CALB2: variants seen among roughly 807,000 people sequenced by gnomAD.
CALB2 encodes calretinin.
In CALB2, 34 loss-of-function variants were observed where a neutral mutation model predicts 45.9. That is an observed-to-expected ratio of 0.74 (90% confidence interval 0.56 to 0.99). The LOEUF is 0.99. Among genes scored for constraint, CALB2 ranks in the 50% least tolerant of loss-of-function variants. The pLI is 0.00. For missense variants in CALB2, 344 were observed against 339.3 expected (o/e 1.01, Z -0.11); for synonymous variants, 142 against 129.6 (o/e 1.10, Z -0.65).
chr16:71,372,640 G>A (rs4788543), intron 2 of CALB2, among the ~76,000 whole-genome samples: 19,408 of 152,116 alleles, frequency 0.13, 1,319 homozygotes, highest in South Asian at 0.17. Context: ...CAGCCTCAGC[G>A]CTGTTGGCAT....
intron 1 of CALB2, 58 bp from the exon 2 acceptor site, chr16:71,372,095 C>T: frequency 4.9e-6 from 6 of 1,220,046 alleles, no homozygotes; most frequent in Non-Finnish European, 7.2e-6. Flanking sequence ...GACATGCCCA[C>T]CCCGTGCCCC....
chr16:71,382,016 A>AGGAGGAGGAG (rs2042497575), intron 4 of CALB2, among the ~76,000 whole-genome samples: 1 of 86,516 alleles, frequency 1.2e-5, no homozygotes, highest in South Asian at 5.2e-4. Flanking sequence ...CTGTCTCAAA[A>AGGAGGAGGAG]GAGGAGGAGG....
At chr16:71,374,927 T>C in intron 3 of CALB2, 93 bp downstream of exon 3, 1 of 853,280 alleles carries the variant, frequency 1.2e-6, no homozygotes, top group Admixed American at 2.1e-5. Context: ...AGGATTGGAG[T>C]GAGGTGGGGG....
chr16:71,377,803 T>A, intron 4 of CALB2, 56 bp downstream of exon 4: 1 of 1,321,140 alleles, frequency 7.6e-7, no homozygotes, highest in South Asian at 1.2e-5. Context: ...TCCTCCTGTG[T>A]TCAGAGCCAG....
At position 71,390,190 on chromosome 16, in the gene CALB2, G is replaced by C. The variant is rs1014196344; in HGVS notation, c.*325G>C. 1.7e-5 allele frequency: 4 copies of C among 236,672 alleles called. No individual in the cohort carries two copies. The East Asian group carries it at 2.5e-4, about 15-fold the overall frequency. The allele number at this position is 236,672 out of a possible 1,614,324, so 14.7% of individuals were successfully genotyped here. On this transcript the variant is annotated 3_prime_UTR_variant, in exon 11 of 11. Transcript: ENST00000302628. ...ATGATTTAGGCTTCTATGTCCAACA[G>C]AGTGGACTCTTCCCTCTCGCTCCCC...
intron 1 of CALB2, among the ~76,000 whole-genome samples, chr16:71,364,030 C>T (rs1443244352): frequency 6.6e-6 from 1 of 152,130 alleles, no homozygotes; most frequent in African/African-American, 2.4e-5. Flanking sequence ...GTCCCCCACC[C>T]CTGCCTCTGC....
At position 71,390,174 on chromosome 16, in the gene CALB2, G is replaced by A; in HGVS notation, c.*309G>A. On this transcript the variant is annotated 3_prime_UTR_variant, in exon 11 of 11. Coordinates refer to ENST00000302628, the MANE Select transcript of CALB2 (RefSeq NM_001740.5). ...TGAGCTCCCTCGCTGTATGATTTAG[G>A]CTTCTATGTCCAACAGAGTGGACTC... 3.4e-6 allele frequency: 1 copy of A among 291,116 alleles called. No homozygotes were observed. The highest frequency in any genetic ancestry group is 6.6e-6 in the Non-Finnish European group (1 of 152,366). The allele number at this position is 291,116 out of a possible 1,614,324, so 18.0% of individuals were successfully genotyped here. A position where few individuals can be genotyped will look rare whatever the true frequency, so the allele number is the denominator to read the frequency against.
At chr16:71,381,326 C>A (rs539894580) in intron 4 of CALB2, among the ~76,000 whole-genome samples, 286 of 151,742 alleles carry the variant, frequency 1.9e-3, no homozygotes, top group Non-Finnish European at 3.5e-3. Context: ...AGAGAAAAGA[C>A]ACTCTTGTAA....
At chr16:71,381,867 T>G (rs1157978634) in intron 4 of CALB2, among the ~76,000 whole-genome samples, 2 of 151,562 alleles carry the variant, frequency 1.3e-5, no homozygotes, top group East Asian at 1.9e-4. Flanking sequence ...AATAAAAAAT[T>G]AGTTGCGTGT....
At chr16:71,368,223 A>G (rs2042309215) in intron 1 of CALB2, among the ~76,000 whole-genome samples, 1 of 152,224 alleles carries the variant, frequency 6.6e-6, no homozygotes, top group Admixed American at 6.5e-5. Flanking sequence ...CAGATGCTCA[A>G]TAAAGGTTCC....
intron 4 of CALB2, among the ~76,000 whole-genome samples, chr16:71,379,645 C>G (rs1010900369): frequency 1.4e-4 from 22 of 152,256 alleles, no homozygotes; most frequent in Admixed American, 1.0e-3. Flanking sequence ...TAATAACTGG[C>G]CTTCGACGTG....
intron 1 of CALB2, among the ~76,000 whole-genome samples, chr16:71,362,118 C>T (rs1242769689): frequency 6.6e-6 from 1 of 152,226 alleles, no homozygotes; most frequent in Non-Finnish European, 1.5e-5. Flanking sequence ...CCTTACGTAT[C>T]TGAGCCCATT....
chr16:71,383,334 T>A (rs776152335), intron 5 of CALB2, 33 bp from the exon 6 acceptor site: 1 of 1,596,946 alleles, frequency 6.3e-7, no homozygotes, highest in Non-Finnish European at 8.6e-7. Context: ...AATGCACGAG[T>A]CAGGAGTACT....
At chr16:71,389,463 C>T (rs879342219) in intron 10 of CALB2, 3 of 568,304 alleles carry the variant, frequency 5.3e-6, no homozygotes, top group Non-Finnish European at 1.0e-5. Flanking sequence ...CATCGCAACA[C>T]CTCCATGAGG....
intron 4 of CALB2, among the ~76,000 whole-genome samples, chr16:71,382,165 G>A (rs2042505699): frequency 1.1e-5 from 1 of 89,776 alleles, no homozygotes; most frequent in Non-Finnish European, 2.6e-5. Context: ...AGAAAATAAA[G>A]GAAGGAAGGA....
At chr16:71,371,078 A>G (rs921631694) in intron 1 of CALB2, among the ~76,000 whole-genome samples, 5 of 152,228 alleles carry the variant, frequency 3.3e-5, no homozygotes, top group African/African-American at 4.8e-5. Flanking sequence ...CATAATGACT[A>G]GAGGATGGGC....
chr16:71,371,359 T>A (rs1383343871), intron 1 of CALB2, among the ~76,000 whole-genome samples: 1 of 152,092 alleles, frequency 6.6e-6, no homozygotes, highest in African/African-American at 2.4e-5. Flanking sequence ...GGCCCTTCTG[T>A]TTTTGTTTCC....
At chr16:71,370,388 G>T (rs1441341339) in intron 1 of CALB2, among the ~76,000 whole-genome samples, 1 of 152,118 alleles carries the variant, frequency 6.6e-6, no homozygotes, top group East Asian at 1.9e-4. Flanking sequence ...CTCCTCTACG[G>T]GAATCTTGCT....
chr16:71,387,681 T>TC (rs1266010226), intron 10 of CALB2, among the ~76,000 whole-genome samples: 2 of 152,076 alleles, frequency 1.3e-5, no homozygotes, highest in Non-Finnish European at 2.9e-5. Flanking sequence ...AAGCAGCCCC[T>TC]CCCCCATGCT....
Sources: allele counts gnomAD v4.1 joint callset (sites outside exome capture counted in the v4.1 genomes callset), GRCh38; gene constraint gnomAD v4.1.1; transcripts MANE v1.5; gene names NCBI Gene and HGNC (gene_info 2026-07-23, HGNC 2026-07-21).